MAP4K5: variants seen among roughly 807,000 people sequenced by gnomAD.
MAP4K5 encodes MAPK/ERK kinase kinase kinase 5.
In MAP4K5, 82 loss-of-function variants were observed where a neutral mutation model predicts 135.6. That is an observed-to-expected ratio of 0.60 (90% CI 0.51 to 0.73). The LOEUF (loss-of-function observed/expected upper bound fraction) is 0.73, where lower values mean the gene tolerates loss of function less well. Ranked by LOEUF, MAP4K5 falls within the 30% of genes least tolerant of loss-of-function variation. MAP4K5 has a pLI of 0.00. For missense variants in MAP4K5, 907 were observed against 1,010.9 expected (o/e 0.90, Z 1.39); for synonymous variants, 347 against 335.0 (o/e 1.04, Z -0.39).
chr14:50,511,079 T>TA (rs1185374218), intron 2 of MAP4K5, among the ~76,000 whole-genome samples: 2 of 152,198 alleles, frequency 1.3e-5, no homozygotes, highest in African/African-American at 4.8e-5. Flanking sequence ...GGTGAATACA[T>TA]AAACAAACTG....
In MAP4K5 at chr14:50,464,141, TAA is replaced by T. The variant is rs148661842; in HGVS notation, c.738-10_738-9del. On this transcript the variant is annotated splice_polypyrimidine_tract_variant and intron_variant, in intron 11 of 32. Coordinates refer to ENST00000682126, the MANE Select transcript of MAP4K5 (RefSeq NM_006575.6). ...TTATGGAATGTTGATGACCTTAAAA[TAA>T]AAAGAGACGTACAAAAATATTTCAC... 1,594 of 1,388,464 alleles carry T rather than the reference TAA, an allele frequency of 1.1e-3. 19 individuals are homozygous for T. In the African/African-American group the frequency reaches 0.02, roughly 17 times the overall value. The allele number at this position is 1,388,464 out of a possible 1,614,324, so 86.0% of individuals were successfully genotyped here.
At chr14:50,463,325 T>G (rs1362052526) in intron 12 of MAP4K5, among the ~76,000 whole-genome samples, 1 of 152,204 alleles carries the variant, frequency 6.6e-6, no homozygotes, top group Non-Finnish European at 1.5e-5. Context: ...TAAATTTACA[T>G]TAGAAGACAA....
At chr14:50,464,616 C>T (rs1007569996) in intron 11 of MAP4K5, among the ~76,000 whole-genome samples, 2 of 152,128 alleles carry the variant, frequency 1.3e-5, no homozygotes, top group African/African-American at 4.8e-5. Context: ...GGGTTTTCTG[C>T]CACCTTCACT....
chr14:50,558,728 G>C (rs2038796127), intron 1 of MAP4K5, among the ~76,000 whole-genome samples: 1 of 152,210 alleles, frequency 6.6e-6, no homozygotes, highest in South Asian at 2.1e-4. Context: ...TGTAAGCTGA[G>C]AATGATAGTA....
intron 22 of MAP4K5, 129 bp downstream of exon 22, chr14:50,440,233 C>T: frequency 1.3e-6 from 1 of 784,676 alleles, no homozygotes; most frequent in East Asian, 2.9e-5. Context: ...GCAAAGAGTA[C>T]AATTTTATCC....
intron 16 of MAP4K5, among the ~76,000 whole-genome samples, chr14:50,446,538 C>T (rs142067968): frequency 9.1e-4 from 138 of 152,314 alleles, no homozygotes; most frequent in Non-Finnish European, 1.8e-3. Context: ...TCTAAATGCA[C>T]AGAATCTTCC....
intron 3 of MAP4K5, among the ~76,000 whole-genome samples, chr14:50,489,252 G>A (rs28370932): frequency 0.084 from 12,807 of 152,188 alleles, 1,733 homozygotes; most frequent in African/African-American, 0.29. Flanking sequence ...GGAGGCTGAG[G>A]TGGGAGGACT....
chr14:50,449,827 T>C (rs1665566204), intron 14 of MAP4K5: 1 of 152,222 alleles, frequency 6.6e-6, no homozygotes, highest in Non-Finnish European at 1.5e-5. Flanking sequence ...CTTTAGTCTT[T>C]TGAAACAGAG....
chr14:50,539,428 A>G (rs1566704586), intron 2 of MAP4K5, among the ~76,000 whole-genome samples: 1 of 152,258 alleles, frequency 6.6e-6, no homozygotes, highest in Non-Finnish European at 1.5e-5. Flanking sequence ...CTTCCTTGAC[A>G]GCTTTGAAGA....
chr14:50,450,869 A>C (rs572601980), intron 14 of MAP4K5, among the ~76,000 whole-genome samples: 1 of 152,252 alleles, frequency 6.6e-6, no homozygotes. Flanking sequence ...ATTGTATTAC[A>C]TTGTCCAAGA....
At position 50,442,725 on chromosome 14, in the gene MAP4K5, AT is replaced by A. The variant is rs761041686; in HGVS notation, c.1564+6del. On this transcript the variant is annotated splice_donor_region_variant and intron_variant, in intron 21 of 32. Transcript: ENST00000682126. Reference sequence around the variant, plus strand: ...TTGGAGATGTATATAAAATTCAAACATTTTACCTTTTGTATCAGGATGTATC... The same window carrying A: ...TTGGAGATGTATATAAAATTCAAACATTTACCTTTTGTATCAGGATGTATC... 3 of 1,555,712 alleles carry A rather than the reference AT, an allele frequency of 1.9e-6. No individual in the cohort carries two copies. The highest frequency in any genetic ancestry group is 2.4e-5 in the South Asian group (2 of 83,272).
At position 50,431,656 on chromosome 14, in the gene MAP4K5, T is replaced by G. The variant is rs188222487; in HGVS notation, c.2165-2396A>C. Reference sequence around the variant, plus strand: ...TTTTCTTAATCCAGTCTATCGTTGTTGGACATTTGGGTTGGTTCCAAGTCT... The same window carrying G: ...TTTTCTTAATCCAGTCTATCGTTGTGGGACATTTGGGTTGGTTCCAAGTCT... On this transcript the variant is annotated intron_variant, in intron 28 of 32. Transcript: ENST00000682126. 3.6e-4 allele frequency among the ~76,000 whole-genome samples: 55 copies of G among 152,070 alleles called. No individual in the cohort carries two copies. In the East Asian group the frequency reaches 0.01, roughly 28 times the overall value.
At chr14:50,517,240 C>T (rs1165435629) in intron 2 of MAP4K5, among the ~76,000 whole-genome samples, 1 of 151,618 alleles carries the variant, frequency 6.6e-6, no homozygotes, top group Middle Eastern at 3.2e-3. Context: ...CAACTTCTGC[C>T]TCCTGGGTTG....
intron 6 of MAP4K5, among the ~76,000 whole-genome samples, chr14:50,480,158 G>GT (rs931469113): frequency 0.013 from 1,963 of 148,576 alleles, 22 homozygotes; most frequent in Non-Finnish European, 0.02. Context: ...CTTCATATTG[G>GT]TTTTTTTTTT....
intron 1 of MAP4K5, among the ~76,000 whole-genome samples, chr14:50,547,397 T>C (rs2038646915): frequency 6.6e-6 from 1 of 152,168 alleles, no homozygotes; most frequent in Non-Finnish European, 1.5e-5. Context: ...AAATCTGTTA[T>C]GTAGGGGAAG....
intron 3 of MAP4K5, among the ~76,000 whole-genome samples, chr14:50,493,639 G>T (rs2037532984): frequency 6.6e-6 from 1 of 152,172 alleles, no homozygotes; most frequent in South Asian, 2.1e-4. Context: ...AGAAAAATCA[G>T]TTGTGTTTCT....
At chr14:50,527,496 G>C (rs1349929070) in intron 2 of MAP4K5, among the ~76,000 whole-genome samples, 1 of 151,708 alleles carries the variant, frequency 6.6e-6, no homozygotes, top group African/African-American at 2.4e-5. Flanking sequence ...AAAAAGACCT[G>C]TATCATATTC....
chr14:50,448,853 A>G, intron 14 of MAP4K5, 21 bp from the exon 15 acceptor site: 1 of 1,307,758 alleles, frequency 7.6e-7, no homozygotes, highest in Non-Finnish European at 1.1e-6. Context: ...TATAACAGGT[A>G]TGTACAAACT....
chr14:50,479,150 G>A (rs779157061), intron 6 of MAP4K5, among the ~76,000 whole-genome samples: 1 of 145,650 alleles, frequency 6.9e-6, no homozygotes, highest in African/African-American at 2.5e-5. Context: ...TTTCTCTTTC[G>A]TTTCCCTTTT....
Sources: gnomAD v4.1 joint callset for allele counts (sites outside exome capture counted in the v4.1 genomes callset) on GRCh38, gnomAD v4.1.1 for gene constraint, MANE v1.5 for transcripts, NCBI Gene and HGNC (gene_info 2026-07-23, HGNC 2026-07-21) for gene names.